C1QTNF3: variants seen among roughly 807,000 people sequenced by gnomAD.
The protein encoded by C1QTNF3 is complement C1q tumor necrosis factor-related protein 3.
C1QTNF3 carries 26 observed loss-of-function variants against 32.6 expected under a neutral mutation model. That is an observed-to-expected ratio of 0.80 (90% CI 0.58 to 1.11). C1QTNF3 has a LOEUF of 1.11. Among genes scored for constraint, C1QTNF3 ranks in the 50% least tolerant of loss-of-function variants. C1QTNF3 has a pLI of 0.00. For missense variants in C1QTNF3, 362 were observed against 398.2 expected (o/e 0.91, Z 0.77); for synonymous variants, 155 against 146.0 (o/e 1.06, Z -0.44).
chr5:34,041,206 T>G (rs1754864941), intron 1 of C1QTNF3, among the ~76,000 whole-genome samples: 1 of 152,088 alleles, frequency 6.6e-6, no homozygotes, highest in African/African-American at 2.4e-5. Context: ...AAACTGTGGT[T>G]TCCATAGCCG....
chr5:34,049,947 T>A, the C1QTNF3 span, among the ~76,000 whole-genome samples: 1 of 152,192 alleles, frequency 6.6e-6, no homozygotes, highest in African/African-American at 2.4e-5. Context: ...TACAGCAACA[T>A]CTAGACTGGT....
the C1QTNF3 span, among the ~76,000 whole-genome samples, chr5:34,172,937 A>G: frequency 6.6e-6 from 1 of 152,192 alleles, no homozygotes; most frequent in African/African-American, 2.4e-5. Context: ...ATCGAGGATC[A>G]CATATATGCC....
At chr5:34,241,938 A>AG in the C1QTNF3 span, among the ~76,000 whole-genome samples, 1 of 97,548 alleles carries the variant, frequency 1.0e-5, no homozygotes, top group East Asian at 2.9e-4. Flanking sequence ...GACGGAAGGG[A>AG]GGAAGGGAGG....
chr5:34,116,343 G>A, the C1QTNF3 span, among the ~76,000 whole-genome samples: 1 of 152,130 alleles, frequency 6.6e-6, no homozygotes, highest in African/African-American at 2.4e-5. Context: ...AGATAGATGT[G>A]TGTTACAGTT....
the C1QTNF3 span, among the ~76,000 whole-genome samples, chr5:34,160,308 A>T: frequency 6.6e-6 from 1 of 152,212 alleles, no homozygotes. Context: ...TGAAATCATT[A>T]GTTTATTTCC....
At chr5:34,075,439 T>C in the C1QTNF3 span, among the ~76,000 whole-genome samples, 2 of 151,730 alleles carry the variant, frequency 1.3e-5, no homozygotes, top group African/African-American at 4.9e-5. Flanking sequence ...AACTGAGTAT[T>C]AACAGAGTTG....
At chr5:34,087,680 CT>C in the C1QTNF3 span, among the ~76,000 whole-genome samples, 2 of 140,708 alleles carry the variant, frequency 1.4e-5, no homozygotes, top group Admixed American at 1.6e-4. Flanking sequence ...CTCAAATGAT[CT>C]TCACACCTCA....
At chr5:34,136,997 G>T in the C1QTNF3 span, among the ~76,000 whole-genome samples, 2 of 144,748 alleles carry the variant, frequency 1.4e-5, no homozygotes, top group Admixed American at 7.5e-5. Context: ...GGTCCTGTTG[G>T]GGGGTGGGGG....
At chr5:34,096,054 C>A in the C1QTNF3 span, among the ~76,000 whole-genome samples, 1 of 151,590 alleles carries the variant, frequency 6.6e-6, no homozygotes, top group African/African-American at 2.4e-5. Flanking sequence ...CTTAAGTATT[C>A]TCTGGCTTCT....
the C1QTNF3 span, among the ~76,000 whole-genome samples, chr5:34,124,863 T>C: frequency 1.3e-5 from 2 of 152,186 alleles, no homozygotes; most frequent in Non-Finnish European, 2.9e-5. Flanking sequence ...CTCCACTAAA[T>C]TGTTATAGTT....
chr5:34,064,514 C>T, the C1QTNF3 span, among the ~76,000 whole-genome samples: 4 of 152,182 alleles, frequency 2.6e-5, no homozygotes, highest in African/African-American at 9.6e-5. Context: ...GACCAGTGTT[C>T]AGCTCAATTA....
At chr5:34,212,348 G>C in the C1QTNF3 span, among the ~76,000 whole-genome samples, 1 of 152,034 alleles carries the variant, frequency 6.6e-6, no homozygotes, top group Non-Finnish European at 1.5e-5. Context: ...GCATGGGCAA[G>C]GACTTCATGT....
the C1QTNF3 span, among the ~76,000 whole-genome samples, chr5:34,144,346 C>T: frequency 6.6e-6 from 1 of 152,312 alleles, no homozygotes; most frequent in South Asian, 2.1e-4. Flanking sequence ...CCAGTGACAG[C>T]ATTAGACAGA....
chr5:34,177,194 A>T, the C1QTNF3 span, among the ~76,000 whole-genome samples: 1 of 152,142 alleles, frequency 6.6e-6, no homozygotes, highest in African/African-American at 2.4e-5. Context: ...CTCAAAAAAA[A>T]ATTTTTTTAA....
At chr5:34,126,513 C>T in the C1QTNF3 span, among the ~76,000 whole-genome samples, 1 of 148,684 alleles carries the variant, frequency 6.7e-6, no homozygotes, top group African/African-American at 2.5e-5. Context: ...TAAAATAGTA[C>T]AACCACTACA....
the C1QTNF3 span, among the ~76,000 whole-genome samples, chr5:34,108,695 C>T: frequency 1.3e-5 from 2 of 150,166 alleles, no homozygotes; most frequent in Non-Finnish European, 3.0e-5. Flanking sequence ...ACTTTGGCTA[C>T]CTCAAATTTG....
At chr5:34,216,131 T>C in the C1QTNF3 span, among the ~76,000 whole-genome samples, 1 of 152,252 alleles carries the variant, frequency 6.6e-6, no homozygotes, top group Non-Finnish European at 1.5e-5. Flanking sequence ...TATCACAAAA[T>C]GTTTTAATGA....
the C1QTNF3 span, among the ~76,000 whole-genome samples, chr5:34,145,833 T>C: frequency 1.3e-5 from 2 of 152,098 alleles, no homozygotes; most frequent in Admixed American, 6.6e-5. Context: ...ATTCCTGCGA[T>C]GCAAAGTTGT....
chr5:34,163,312 G>C, the C1QTNF3 span, among the ~76,000 whole-genome samples: 1 of 151,892 alleles, frequency 6.6e-6, no homozygotes, highest in Non-Finnish European at 1.5e-5. Context: ...ACAAACCTTC[G>C]CATGTACCCG....
Sources: allele counts gnomAD v4.1 joint callset (sites outside exome capture counted in the v4.1 genomes callset), GRCh38; gene constraint gnomAD v4.1.1; transcripts MANE v1.5; gene names NCBI Gene and HGNC (gene_info 2026-07-23, HGNC 2026-07-21).